Variants in TTC7B observed in about 807,000 individuals in gnomAD.
TTC7B encodes tetratricopeptide repeat domain 7B, also known as tetratricopeptide repeat protein 7B.
In TTC7B, 28 loss-of-function variants were observed where a neutral mutation model predicts 106.8. That is an observed-to-expected ratio of 0.26 (90% CI 0.19 to 0.36). The LOEUF (loss-of-function observed/expected upper bound fraction) is 0.36, where lower values mean the gene tolerates loss of function less well. Among genes scored for constraint, TTC7B ranks in the 10% least tolerant of loss-of-function variants. The probability of loss-of-function intolerance (pLI) is 1.00; values close to 1 mark genes in which losing one functional copy is unlikely to be tolerated. For missense variants in TTC7B, 862 were observed against 1,076.4 expected, an observed-to-expected ratio of 0.80 and a Z score of 2.79; for synonymous variants, 405 against 430.6, an observed-to-expected ratio of 0.94 and a Z score of 0.74.
rs79882129 is a variant in TTC7B, at chr14:90,588,272, C to T, written c.2107+5214G>A. 1.0e-2 allele frequency among the ~76,000 whole-genome samples: 1,520 copies of T among 152,346 alleles called. 31 individuals are homozygous for T. Among genetic ancestry groups the T allele is most frequent in the African/African-American group, 0.035 (1,453 of 41,580 alleles). On this transcript the variant is annotated intron_variant, in intron 18 of 19. Transcript: ENST00000328459. ...GGCCAAGGAATTTGTGAGAGTATTA[C>T]AGCCTTAAATTTCCAGCAGAAATCA...
intron 1 of TTC7B, among the ~76,000 whole-genome samples, chr14:90,790,553 G>A (rs559845672): frequency 2.8e-4 from 43 of 152,088 alleles, no homozygotes; most frequent in African/African-American, 5.1e-4. Context: ...CACCTCTTTC[G>A]GCCTGAGCGG....
chr14:90,662,653 A>G (rs1886255956), intron 9 of TTC7B, among the ~76,000 whole-genome samples: 1 of 152,216 alleles, frequency 6.6e-6, no homozygotes, highest in African/African-American at 2.4e-5. Context: ...GTGTGCCTAG[A>G]TTCCCCACTG....
At chr14:90,614,703 T>C (rs943203365) in intron 16 of TTC7B, among the ~76,000 whole-genome samples, 1 of 152,256 alleles carries the variant, frequency 6.6e-6, no homozygotes, top group African/African-American at 2.4e-5. Context: ...TTTTATTTTC[T>C]GTAAAATGGA....
At chr14:90,758,492 C>G (rs1443791958) in intron 3 of TTC7B, among the ~76,000 whole-genome samples, 1 of 151,750 alleles carries the variant, frequency 6.6e-6, no homozygotes, top group Non-Finnish European at 1.5e-5. Context: ...GGCACGGTCC[C>G]AAGGCCGACC....
intron 19 of TTC7B, among the ~76,000 whole-genome samples, chr14:90,555,179 A>G (rs1427236651): frequency 2.0e-5 from 3 of 152,196 alleles, no homozygotes; most frequent in Non-Finnish European, 2.9e-5. Flanking sequence ...ACACATTCCA[A>G]CAGTCCTTCC....
At chr14:90,667,806 G>A (rs1259388596) in intron 9 of TTC7B, among the ~76,000 whole-genome samples, 3 of 152,164 alleles carry the variant, frequency 2.0e-5, no homozygotes, top group African/African-American at 7.2e-5. Context: ...ATAGGGAGAA[G>A]GAGCCATCCA....
intron 3 of TTC7B, among the ~76,000 whole-genome samples, chr14:90,770,372 C>A (rs1166992325): frequency 5.3e-5 from 8 of 152,092 alleles, no homozygotes; most frequent in Non-Finnish European, 8.8e-5. Context: ...AATAGAACAA[C>A]CAGGCCAGGC....
rs114870614 is a variant in TTC7B, at chr14:90,607,721, A to T, written c.1966+3021T>A. On this transcript the variant is annotated intron_variant, in intron 17 of 19. Coordinates refer to ENST00000328459, the MANE Select transcript of TTC7B (RefSeq NM_001010854.2). ...GAATGTAAAATCCATGTGTCATGGA[A>T]TACTATATGGCTGTAAACAAGAATA... is the stretch of plus-strand genomic sequence containing the variant. Among the ~76,000 whole-genome samples, 789 of 152,330 alleles carry T rather than the reference A, an allele frequency of 5.2e-3. 5 individuals are homozygous for T. The highest frequency in any genetic ancestry group is 7.4e-3 in the African/African-American group (309 of 41,574).
At position 90,526,306 on chromosome 14, in the gene TTC7B, G is replaced by T. The variant is rs562543337; in HGVS notation, c.*15062C>A. ...ATGTTGAACATTTCTTCATGTGCTT[G>T]TTGGCCTAGACCTTACTTTAAAAAA... On this transcript the variant is annotated 3_prime_UTR_variant, in exon 20 of 20. Transcript: ENST00000328459. The T allele has an allele frequency of 1.1e-4, 16 of 152,166 alleles. No individual in the cohort carries two copies. The East Asian group carries it at 2.7e-3, about 26-fold the overall frequency. 9.4% of individuals were successfully genotyped at this position (152,166 alleles called of 1,614,324 possible).
At chr14:90,705,350 G>A (rs960958167) in intron 5 of TTC7B, among the ~76,000 whole-genome samples, 1 of 152,114 alleles carries the variant, frequency 6.6e-6, no homozygotes, top group Admixed American at 6.5e-5. Context: ...ACACAGGCAG[G>A]AATTCGTTAC....
intron 13 of TTC7B, among the ~76,000 whole-genome samples, chr14:90,652,358 C>G (rs1221295275): frequency 6.7e-6 from 1 of 149,116 alleles, no homozygotes; most frequent in Admixed American, 6.8e-5. Flanking sequence ...GAGAGAAGCA[C>G]AAGGTGTTAT....
intron 13 of TTC7B, chr14:90,648,868 A>G (rs1885590765): frequency 6.6e-6 from 1 of 152,242 alleles, no homozygotes; most frequent in Non-Finnish European, 1.5e-5. Flanking sequence ...TTCACAAATA[A>G]TAAATTTACA....
intron 13 of TTC7B, among the ~76,000 whole-genome samples, chr14:90,652,246 G>A (rs80251417): frequency 0.015 from 2,213 of 152,192 alleles, 48 homozygotes; most frequent in African/African-American, 0.051. Flanking sequence ...ACTTGTGTGT[G>A]GTAAGCAACA....
rs985750299 is a variant in TTC7B at position 90,752,711 on chromosome 14, C to G, written c.446-7789G>C. Among the ~76,000 whole-genome samples, 7 of 152,218 alleles carry G rather than the reference C, an allele frequency of 4.6e-5. No homozygotes were observed. In the South Asian group the frequency reaches 1.2e-3, roughly 27 times the overall value. ...CCACCCTGAGAGGAAGGTGTTAACACCACCTTATAGATAAGACTGAATTAA... is the reference window on the plus strand; with the variant it reads ...CCACCCTGAGAGGAAGGTGTTAACAGCACCTTATAGATAAGACTGAATTAA... On this transcript the variant is annotated intron_variant, in intron 3 of 19. Transcript: ENST00000328459.
chr14:90,610,728 C>G lies in TTC7B; in HGVS notation c.1966+14G>C, dbSNP rs1329476148. 6.3e-7 allele frequency: 1 copy of G among 1,597,322 alleles called. No homozygotes were observed. The highest frequency in any genetic ancestry group is 8.6e-7 in the Non-Finnish European group (1 of 1,165,120). On this transcript the variant is annotated intron_variant, in intron 17 of 19. Transcript: ENST00000328459. ...CATTACACCATTTCGTCCCCTCTGG[C>G]TTTTTATTCTCACCTGTCTCGGGAT...
intron 9 of TTC7B, among the ~76,000 whole-genome samples, chr14:90,675,592 T>C (rs1216675323): frequency 1.3e-5 from 2 of 152,134 alleles, no homozygotes; most frequent in African/African-American, 4.8e-5. Flanking sequence ...TAAAAAAAGA[T>C]TCAAGCCACA....
intron 15 of TTC7B, among the ~76,000 whole-genome samples, chr14:90,629,829 C>A (rs537212475): frequency 6.6e-6 from 1 of 152,234 alleles, no homozygotes. Context: ...GAGCCCCCGG[C>A]GGTCAGCCAG....
At chr14:90,804,872 G>A (rs1021513052) in intron 1 of TTC7B, among the ~76,000 whole-genome samples, 18 of 152,216 alleles carry the variant, frequency 1.2e-4, no homozygotes, top group African/African-American at 3.4e-4. Context: ...CTGCATTTGC[G>A]GAGAGATGAG....
chr14:90,584,248 T>C (rs76683076), intron 18 of TTC7B, among the ~76,000 whole-genome samples: 2,359 of 152,326 alleles, frequency 0.015, 67 homozygotes, highest in African/African-American at 0.054. Context: ...CAAGGTGAAG[T>C]GGTGTTCCTG....
Sources: gnomAD v4.1 joint callset for allele counts (sites outside exome capture counted in the v4.1 genomes callset) on GRCh38, gnomAD v4.1.1 for gene constraint, MANE v1.5 for transcripts, NCBI Gene and HGNC (gene_info 2026-07-23, HGNC 2026-07-21) for gene names.